RNGTT: variants seen among roughly 807,000 people sequenced by gnomAD.
RNGTT encodes mRNA-capping enzyme.
RNGTT carries 33 observed loss-of-function variants against 79.3 expected under a neutral mutation model. The observed-to-expected ratio is 0.42, with a 90% CI of 0.32 to 0.56. The LOEUF (loss-of-function observed/expected upper bound fraction) is 0.56. Ranked by LOEUF, RNGTT falls within the 20% of genes least tolerant of loss-of-function variation. The pLI is 0.17. For missense variants in RNGTT, 497 were observed against 739.1 expected (o/e 0.67, Z 3.80); for synonymous variants, 222 against 235.9 (o/e 0.94, Z 0.54).
chr6:88,715,226 A>G (rs1776466314), intron 13 of RNGTT, among the ~76,000 whole-genome samples: 1 of 152,140 alleles, frequency 6.6e-6, no homozygotes, highest in Admixed American at 6.5e-5. Context: ...TTGCTTCAAA[A>G]AGAATAAAAT....
intron 13 of RNGTT, among the ~76,000 whole-genome samples, chr6:88,742,902 G>T (rs530197112): frequency 6.6e-6 from 1 of 152,172 alleles, no homozygotes; most frequent in Non-Finnish European, 1.5e-5. Flanking sequence ...TGCATAGGTG[G>T]CTTGCTAAGT....
At chr6:88,949,058 C>T (rs548102601) in intron 1 of RNGTT, among the ~76,000 whole-genome samples, 2,044 of 119,492 alleles carry the variant, frequency 0.017, 62 homozygotes, top group African/African-American at 0.064. Flanking sequence ...CACTATTGTC[C>T]CATGACCCTG....
At chr6:88,930,167 TATAC>T (rs541315262) in intron 2 of RNGTT, among the ~76,000 whole-genome samples, 188 of 142,716 alleles carry the variant, frequency 1.3e-3, no homozygotes, top group African/African-American at 5.0e-3. Flanking sequence ...CATATATACA[TATAC>T]ATATATGTAT....
At chr6:88,920,593 T>A (rs1784134430) in intron 4 of RNGTT, among the ~76,000 whole-genome samples, 1 of 152,130 alleles carries the variant, frequency 6.6e-6, no homozygotes, top group South Asian at 2.1e-4. Context: ...ACTGAGGCCT[T>A]TATCTGAATA....
intron 13 of RNGTT, among the ~76,000 whole-genome samples, chr6:88,704,259 CAAAAAAAAAAAAA>C (rs35623392): frequency 6.2e-5 from 3 of 48,734 alleles, no homozygotes; most frequent in Non-Finnish European, 4.2e-5. Context: ...GACTCTGTCT[CAAAAAAAAAAAAA>C]AAAAAAAAAA....
intron 14 of RNGTT, among the ~76,000 whole-genome samples, chr6:88,654,934 C>T (rs1424630208): frequency 6.6e-6 from 1 of 152,144 alleles, no homozygotes; most frequent in African/African-American, 2.4e-5. Flanking sequence ...TATAAATACA[C>T]GTATGTGTGC....
At chr6:88,815,702 G>C (rs553714829) in intron 11 of RNGTT, among the ~76,000 whole-genome samples, 2 of 152,344 alleles carry the variant, frequency 1.3e-5, no homozygotes, top group South Asian at 4.1e-4. Flanking sequence ...GGAAGTGACA[G>C]ACTGTAGAAT....
At chr6:88,768,875 C>T (rs933013886) in intron 13 of RNGTT, among the ~76,000 whole-genome samples, 1 of 151,922 alleles carries the variant, frequency 6.6e-6, no homozygotes, top group Non-Finnish European at 1.5e-5. Context: ...GAAGATTAAC[C>T]AATAAATTTA....
At chr6:88,862,244 A>G (rs1016219532) in intron 8 of RNGTT, among the ~76,000 whole-genome samples, 2 of 152,152 alleles carry the variant, frequency 1.3e-5, no homozygotes, top group Non-Finnish European at 2.9e-5. Context: ...GCAAGATTAG[A>G]GTGTTGGGAC....
intron 8 of RNGTT, among the ~76,000 whole-genome samples, chr6:88,866,312 G>A (rs1782162503): frequency 6.6e-6 from 1 of 151,990 alleles, no homozygotes; most frequent in African/African-American, 2.4e-5. Context: ...ACTTACACAC[G>A]TTTATACCCC....
intron 1 of RNGTT, among the ~76,000 whole-genome samples, chr6:88,948,640 G>A (rs1369376771): frequency 2.8e-5 from 4 of 142,664 alleles, no homozygotes; most frequent in Non-Finnish European, 6.2e-5. Context: ...AACGGGCCAG[G>A]ATGACAATGG....
intron 6 of RNGTT, among the ~76,000 whole-genome samples, chr6:88,902,427 T>C (rs1331181087): frequency 2.0e-5 from 3 of 151,834 alleles, no homozygotes; most frequent in Non-Finnish European, 4.4e-5. Context: ...TAGCAAGACA[T>C]TGTCTCTACA....
chr6:88,692,358 C>T (rs1775512488), intron 13 of RNGTT, among the ~76,000 whole-genome samples: 1 of 151,802 alleles, frequency 6.6e-6, no homozygotes, highest in Admixed American at 6.6e-5. Context: ...GCAATTTATT[C>T]ATAATAGCCA....
chr6:88,922,693 A>G (rs1275568972), intron 4 of RNGTT, among the ~76,000 whole-genome samples: 1 of 151,952 alleles, frequency 6.6e-6, no homozygotes, highest in Non-Finnish European at 1.5e-5. Flanking sequence ...ACGCCCAGCT[A>G]ATTTTTTGTA....
intron 13 of RNGTT, among the ~76,000 whole-genome samples, chr6:88,732,787 G>A (rs1420006841): frequency 6.6e-6 from 1 of 152,100 alleles, no homozygotes; most frequent in Non-Finnish European, 1.5e-5. Flanking sequence ...CCAGGGGCTG[G>A]AGGAGGAAGC....
At chr6:88,826,888 C>T (rs933372554) in intron 11 of RNGTT, among the ~76,000 whole-genome samples, 3 of 143,654 alleles carry the variant, frequency 2.1e-5, no homozygotes, top group Non-Finnish European at 3.0e-5. Flanking sequence ...ATAAAAATTA[C>T]TTTAAAATTA....
At chr6:88,930,412 G>A (rs1009919529) in intron 2 of RNGTT, among the ~76,000 whole-genome samples, 2 of 151,830 alleles carry the variant, frequency 1.3e-5, no homozygotes, top group African/African-American at 4.8e-5. Flanking sequence ...GCTCACGCCT[G>A]TAATCTTGGC....
At chr6:88,925,805 C>T (rs1784301617) in intron 4 of RNGTT, among the ~76,000 whole-genome samples, 1 of 151,992 alleles carries the variant, frequency 6.6e-6, no homozygotes, top group South Asian at 2.1e-4. Context: ...GACAGGAGTT[C>T]GAGGCTGTAG....
chr6:88,737,262 C>T (rs1777318266), intron 13 of RNGTT, among the ~76,000 whole-genome samples: 1 of 152,138 alleles, frequency 6.6e-6, no homozygotes, highest in Non-Finnish European at 1.5e-5. Flanking sequence ...ATGCCTGTCC[C>T]ACCACCATAT....
Sources: gnomAD v4.1 joint callset for allele counts (sites outside exome capture counted in the v4.1 genomes callset) on GRCh38, gnomAD v4.1.1 for gene constraint, MANE v1.5 for transcripts, NCBI Gene and HGNC (gene_info 2026-07-23, HGNC 2026-07-21) for gene names.